Variants in LHFPL3 observed in about 807,000 individuals in gnomAD.
The protein encoded by LHFPL3 is LHFPL tetraspan subfamily member 3 protein.
LHFPL3 carries 5 observed loss-of-function variants against 19.3 expected under a neutral mutation model. The observed-to-expected ratio is 0.26, with a 90% CI of 0.14 to 0.54. LHFPL3 has a LOEUF of 0.54. LHFPL3 is among the 20% of genes least tolerant of loss of function. The pLI is 0.94. For synonymous variants in LHFPL3, 133 were observed against 126.2 expected (o/e 1.05, Z -0.36); for missense variants, 249 against 307.4 (o/e 0.81, Z 1.42).
At chr7:104,367,956 A>G (rs1212836776) in intron 1 of LHFPL3, among the ~76,000 whole-genome samples, 1 of 152,198 alleles carries the variant, frequency 6.6e-6, no homozygotes, top group Non-Finnish European at 1.5e-5. Context: ...TAAGCCTTTA[A>G]AGCCTTTAGC....
intron 2 of LHFPL3, among the ~76,000 whole-genome samples, chr7:104,891,083 C>T (rs945490633): frequency 1.3e-5 from 2 of 151,376 alleles, no homozygotes; most frequent in Admixed American, 6.6e-5. Flanking sequence ...GGTGCCTTAC[C>T]CCCAACTTTC....
intron 2 of LHFPL3, among the ~76,000 whole-genome samples, chr7:104,814,404 GATC>G (rs1007501023): frequency 1.3e-5 from 2 of 152,128 alleles, no homozygotes; most frequent in African/African-American, 4.8e-5. Context: ...CTTTGCAGCT[GATC>G]ATCTGACATC....
At chr7:104,689,784 A>C (rs1270868829) in intron 1 of LHFPL3, among the ~76,000 whole-genome samples, 1 of 152,164 alleles carries the variant, frequency 6.6e-6, no homozygotes, top group African/African-American at 2.4e-5. Context: ...GTAGAGGCTT[A>C]TGGAGGTCAG....
chr7:104,617,785 A>G (rs1584442276), intron 1 of LHFPL3, among the ~76,000 whole-genome samples: 1 of 152,216 alleles, frequency 6.6e-6, no homozygotes. Context: ...GGAAATGGTA[A>G]TTCCATAGTT....
intron 2 of LHFPL3, among the ~76,000 whole-genome samples, chr7:104,881,273 A>G (rs2116683287): frequency 6.6e-6 from 1 of 152,304 alleles, no homozygotes; most frequent in African/African-American, 2.4e-5. Context: ...AACCTTCTGG[A>G]AAGTATTCTT....
At chr7:104,804,727 A>G (rs906167739) in intron 2 of LHFPL3, among the ~76,000 whole-genome samples, 3 of 152,198 alleles carry the variant, frequency 2.0e-5, no homozygotes, top group Non-Finnish European at 2.9e-5. Context: ...AGTAGCTCTC[A>G]AAGTACTGAA....
At chr7:104,900,935 G>A (rs1792470469) in intron 2 of LHFPL3, among the ~76,000 whole-genome samples, 1 of 152,168 alleles carries the variant, frequency 6.6e-6, no homozygotes, top group Non-Finnish European at 1.5e-5. Flanking sequence ...TACAAACCTG[G>A]GAGAATGTGA....
intron 1 of LHFPL3, among the ~76,000 whole-genome samples, chr7:104,376,595 T>C (rs1210413214): frequency 6.6e-6 from 1 of 152,006 alleles, no homozygotes; most frequent in Non-Finnish European, 1.5e-5. Flanking sequence ...TGGCAGGGAG[T>C]TGTGAAAAGT....
intron 2 of LHFPL3, among the ~76,000 whole-genome samples, chr7:104,891,871 G>A (rs1584601279): frequency 2.0e-5 from 3 of 152,124 alleles, no homozygotes; most frequent in South Asian, 4.1e-4. Flanking sequence ...TGTCTGGAGG[G>A]AGCTCTTAGA....
chr7:104,466,543 T>C (rs1381890211), intron 1 of LHFPL3, among the ~76,000 whole-genome samples: 2 of 152,196 alleles, frequency 1.3e-5, no homozygotes, highest in African/African-American at 2.4e-5. Flanking sequence ...AAAGTGACCA[T>C]TGTATTTTCA....
At chr7:104,535,545 C>T (rs745935709) in intron 1 of LHFPL3, among the ~76,000 whole-genome samples, 1 of 152,166 alleles carries the variant, frequency 6.6e-6, no homozygotes, top group Non-Finnish European at 1.5e-5. Flanking sequence ...CCAAATAACC[C>T]CCTCAAGCAT....
At chr7:104,391,204 C>T (rs960533753) in intron 1 of LHFPL3, among the ~76,000 whole-genome samples, 3 of 152,130 alleles carry the variant, frequency 2.0e-5, no homozygotes, top group African/African-American at 7.2e-5. Context: ...TCCCATTTGT[C>T]AATTTTGGTT....
chr7:104,734,419 T>C (rs1221609565), intron 1 of LHFPL3, among the ~76,000 whole-genome samples: 1 of 152,230 alleles, frequency 6.6e-6, no homozygotes, highest in Non-Finnish European at 1.5e-5. Context: ...TGTTCGTTTC[T>C]TTTTATTCTT....
chr7:104,784,655 T>C (rs1789875673), intron 2 of LHFPL3, among the ~76,000 whole-genome samples: 2 of 152,226 alleles, frequency 1.3e-5, no homozygotes, highest in East Asian at 1.9e-4. Context: ...TGTACATCCA[T>C]GTTCACTGCA....
rs11981305 is a variant in LHFPL3 at position 104,705,570 on chromosome 7, C to T, written c.446-31105C>T. Among the ~76,000 whole-genome samples the T allele has an allele frequency of 9.8e-3, 1,497 of 152,276 alleles. 22 individuals are homozygous for T. Among genetic ancestry groups the T allele is most frequent in the African/African-American group, 0.034 (1,412 of 41,560 alleles). On this transcript the variant is annotated intron_variant, in intron 1 of 2. Transcript: ENST00000424859. ...CCCCAGGTCCAGTTCAGCTGTTCAG[C>T]GTTACCTTCTCTTGGATCTCTGATT... is the stretch of plus-strand genomic sequence containing the variant.
At chr7:104,805,488 C>T (rs1238983411) in intron 2 of LHFPL3, among the ~76,000 whole-genome samples, 2 of 152,152 alleles carry the variant, frequency 1.3e-5, no homozygotes, top group African/African-American at 4.8e-5. Context: ...TGGAAGTTGC[C>T]GTGAATGGCC....
At chr7:104,808,828 T>G (rs1032732847) in intron 2 of LHFPL3, among the ~76,000 whole-genome samples, 1 of 152,058 alleles carries the variant, frequency 6.6e-6, no homozygotes, top group African/African-American at 2.4e-5. Context: ...AAAGCACTTA[T>G]TTCATTAATC....
At chr7:104,781,633 T>A (rs989368856) in intron 2 of LHFPL3, among the ~76,000 whole-genome samples, 18 of 152,178 alleles carry the variant, frequency 1.2e-4, no homozygotes, top group African/African-American at 4.3e-4. Context: ...CTCCTTGACA[T>A]AGTTACTTTC....
In LHFPL3 at chr7:104,438,981, C is replaced by T. The variant is rs141799225; in HGVS notation, c.445+109757C>T. ...AACAAGTCTATGTCAATAAATTCAA[C>T]AACTTAGATGAAATTGACAATTTTT... On this transcript the variant is annotated intron_variant, in intron 1 of 2. Coordinates refer to ENST00000424859, the MANE Select transcript of LHFPL3 (RefSeq NM_199000.3). 3.7e-3 allele frequency among the ~76,000 whole-genome samples: 557 copies of T among 152,188 alleles called. 6 individuals carry two copies. The highest frequency in any genetic ancestry group is 0.013 in the African/African-American group (549 of 41,546).
Sources: gnomAD v4.1 joint callset for allele counts (sites outside exome capture counted in the v4.1 genomes callset) on GRCh38, gnomAD v4.1.1 for gene constraint, MANE v1.5 for transcripts, NCBI Gene and HGNC (gene_info 2026-07-23, HGNC 2026-07-21) for gene names.